The following CMIP variants were observed in gnomAD, a reference collection of about 807,000 sequenced individuals.
CMIP encodes C-Maf-inducing protein.
A neutral mutation model predicts 97.3 loss-of-function variants in CMIP; 13 were observed. The ratio of observed to expected loss-of-function variants is 0.13; its 90% confidence interval spans 0.09 to 0.21. The LOEUF (loss-of-function observed/expected upper bound fraction) is 0.21, where lower values mean the gene tolerates loss of function less well. Among genes scored for constraint, CMIP ranks in the 10% least tolerant of loss-of-function variants. The probability of loss-of-function intolerance (pLI) is 1.00; values close to 1 mark genes in which losing one functional copy is unlikely to be tolerated. For missense variants in CMIP, 847 were observed against 1,024.9 expected, an observed-to-expected ratio of 0.83 and a Z score of 2.37; for synonymous variants, 538 against 436.3, an observed-to-expected ratio of 1.23 and a Z score of -2.91.
chr16:81,517,452 A>G (rs542010408), intron 1 of CMIP, among the ~76,000 whole-genome samples: 20 of 152,282 alleles, frequency 1.3e-4, no homozygotes, highest in Non-Finnish European at 2.2e-4. Context: ...ACACAAATGC[A>G]TAACACAAAG....
At chr16:81,476,358 G>A (rs140820823) in intron 1 of CMIP, 2 of 1,346,282 alleles carry the variant, frequency 1.5e-6, no homozygotes, top group African/African-American at 1.4e-5. Context: ...GAATGTTCCT[G>A]TGAAAGCAGG....
At chr16:81,693,389 C>A in intron 12 of CMIP, 50 bp from the exon 13 acceptor site, 1 of 1,591,170 alleles carries the variant, frequency 6.3e-7, no homozygotes, top group East Asian at 2.3e-5. Flanking sequence ...CCACACCTCC[C>A]ACTCAGTTCC....
chr16:81,541,344 C>G (rs2090445572), intron 1 of CMIP, among the ~76,000 whole-genome samples: 1 of 152,126 alleles, frequency 6.6e-6, no homozygotes, highest in Non-Finnish European at 1.5e-5. Context: ...CTCAGTGAGT[C>G]TTTTTGGAGA....
chr16:81,567,471 G>A lies in CMIP; in HGVS notation c.301-40096G>A, dbSNP rs142874579. 6.6e-5 allele frequency among the ~76,000 whole-genome samples: 10 copies of A among 152,368 alleles called. No homozygotes were observed. In the East Asian group the frequency reaches 7.7e-4, roughly 12 times the overall value. On this transcript the variant is annotated intron_variant, in intron 1 of 20. Coordinates refer to ENST00000537098, the MANE Select transcript of CMIP (RefSeq NM_198390.3). ...GGGCCTCAGGAAAACAGTGTGGCCT[G>A]GAGGGAGGCAGACTCACTTTGGGAA...
At chr16:81,534,697 A>G (rs1485782467) in intron 1 of CMIP, among the ~76,000 whole-genome samples, 1 of 152,158 alleles carries the variant, frequency 6.6e-6, no homozygotes. Flanking sequence ...CTAAGCACCT[A>G]CACCCAGGAT....
intron 1 of CMIP, among the ~76,000 whole-genome samples, chr16:81,575,487 G>C (rs1567588866): frequency 6.6e-6 from 1 of 152,196 alleles, no homozygotes; most frequent in South Asian, 2.1e-4. Flanking sequence ...AGATCATCTA[G>C]AGCAGTGATC....
chr16:81,679,489 G>T (rs933851156), intron 10 of CMIP, among the ~76,000 whole-genome samples: 11 of 152,156 alleles, frequency 7.2e-5, no homozygotes, highest in Non-Finnish European at 1.6e-4. Context: ...GAGTATCTGT[G>T]CATATGCATG....
At chr16:81,605,502 C>T (rs2091727916) in intron 1 of CMIP, among the ~76,000 whole-genome samples, 1 of 152,224 alleles carries the variant, frequency 6.6e-6, no homozygotes, top group African/African-American at 2.4e-5. Context: ...TTGGCTAAAG[C>T]TCCTGCAAAC....
At chr16:81,604,598 G>T (rs1156586517) in intron 1 of CMIP, among the ~76,000 whole-genome samples, 1 of 152,130 alleles carries the variant, frequency 6.6e-6, no homozygotes, top group East Asian at 1.9e-4. Flanking sequence ...CTTCTCGGGA[G>T]GCTGAGGCAG....
chr16:81,470,585 G>T (rs1303755791), intron 1 of CMIP, among the ~76,000 whole-genome samples: 1 of 152,218 alleles, frequency 6.6e-6, no homozygotes, highest in Non-Finnish European at 1.5e-5. Context: ...GAGTCTTGGG[G>T]TTATACTGGC....
chr16:81,487,201 C>T (rs897515362), intron 1 of CMIP, among the ~76,000 whole-genome samples: 1 of 152,202 alleles, frequency 6.6e-6, no homozygotes, highest in Admixed American at 6.5e-5. Flanking sequence ...GGGGTGCCCC[C>T]TCCCCACCCT....
intron 1 of CMIP, among the ~76,000 whole-genome samples, chr16:81,539,472 A>C (rs2090408281): frequency 6.6e-6 from 1 of 152,168 alleles, no homozygotes; most frequent in South Asian, 2.1e-4. Context: ...GCTGGGAGTG[A>C]GAGAAGGGCA....
At chr16:81,681,229 GTAT>G (rs1214348909) in intron 10 of CMIP, among the ~76,000 whole-genome samples, 1 of 152,192 alleles carries the variant, frequency 6.6e-6, no homozygotes, top group Non-Finnish European at 1.5e-5. Flanking sequence ...CCTGATAACT[GTAT>G]TTTCCCAACA....
At chr16:81,502,636 A>G (rs1049121006) in intron 1 of CMIP, among the ~76,000 whole-genome samples, 1 of 152,238 alleles carries the variant, frequency 6.6e-6, no homozygotes, top group African/African-American at 2.4e-5. Context: ...GCTCTGGGAA[A>G]TGAAGTCACA....
chr16:81,662,460 G>A (rs192947696), intron 6 of CMIP, among the ~76,000 whole-genome samples: 1 of 152,240 alleles, frequency 6.6e-6, no homozygotes, highest in Non-Finnish European at 1.5e-5. Flanking sequence ...TTTCAAAGAG[G>A]GCCGTCTGCC....
rs144694822 is a variant in CMIP, at chr16:81,459,750, A to G, written c.300+14209A>G. Among the ~76,000 whole-genome samples the G allele has an allele frequency of 2.4e-4, 37 of 152,290 alleles. No individual in the cohort carries two copies. The East Asian group carries it at 7.1e-3, about 29-fold the overall frequency. The stretch of plus-strand genomic sequence containing the variant: ...TCTGGATTTTATAGACTTCCACCCC[A>G]AGCAGGCCCTGCCTTTGATCCCCCA... On this transcript the variant is annotated intron_variant, in intron 1 of 20. Transcript: ENST00000537098.
intron 3 of CMIP, chr16:81,630,510 C>T (rs1011756017): frequency 1.3e-5 from 2 of 152,280 alleles, no homozygotes; most frequent in Non-Finnish European, 2.9e-5. Flanking sequence ...GGCGAGTGCT[C>T]CTGGAGGCCG....
chr16:81,557,222 C>T (rs1013431259), intron 1 of CMIP, among the ~76,000 whole-genome samples: 1 of 152,190 alleles, frequency 6.6e-6, no homozygotes, highest in Non-Finnish European at 1.5e-5. Context: ...GCCACCTCCC[C>T]CACGAGATCA....
intron 1 of CMIP, among the ~76,000 whole-genome samples, chr16:81,581,944 G>A (rs2091303074): frequency 6.6e-6 from 1 of 152,174 alleles, no homozygotes; most frequent in Admixed American, 6.5e-5. Flanking sequence ...ATGGGCTCAC[G>A]GTTCTGCAGG....
Sources: allele counts gnomAD v4.1 joint callset (sites outside exome capture counted in the v4.1 genomes callset), GRCh38; gene constraint gnomAD v4.1.1; transcripts MANE v1.5; gene names NCBI Gene and HGNC (gene_info 2026-07-23, HGNC 2026-07-21).